Variants in CC2D2A observed in about 807,000 individuals in gnomAD.
The protein encoded by CC2D2A is coiled-coil and C2 domain-containing protein 2A.
Under a neutral mutation model 212.9 loss-of-function variants are expected in CC2D2A, and 155 were observed. The observed-to-expected ratio is 0.73, with a 90% CI of 0.64 to 0.83. The LOEUF (loss-of-function observed/expected upper bound fraction) is 0.83, where lower values mean the gene tolerates loss of function less well. CC2D2A is among the 40% of genes least tolerant of loss of function. The pLI is 0.00. For missense variants in CC2D2A, 1,856 were observed against 1,956.2 expected (o/e 0.95, Z 0.97); for synonymous variants, 667 against 686.5 (o/e 0.97, Z 0.44).
intron 17 of CC2D2A, among the ~76,000 whole-genome samples, chr4:15,542,403 C>T (rs927723266): frequency 6.6e-6 from 1 of 152,164 alleles, no homozygotes; most frequent in Non-Finnish European, 1.5e-5. Flanking sequence ...GCAGAAATCA[C>T]AGATCCTCAT....
At chr4:15,502,601 T>A in intron 5 of CC2D2A, 84 bp downstream of exon 5, 1 of 1,229,010 alleles carries the variant, frequency 8.1e-7, no homozygotes, top group Non-Finnish European at 1.2e-6. Flanking sequence ...TGCTCCAAAC[T>A]GCATGGATTT....
chr4:15,500,616 G>T (rs1715894296), intron 4 of CC2D2A, among the ~76,000 whole-genome samples: 1 of 152,160 alleles, frequency 6.6e-6, no homozygotes, highest in Non-Finnish European at 1.5e-5. Flanking sequence ...GTATTTTATA[G>T]CTTTCTATCA....
chr4:15,537,100 G>A, intron 15 of CC2D2A, 24 bp downstream of exon 15: 1 of 1,609,396 alleles, frequency 6.2e-7, no homozygotes, highest in East Asian at 2.2e-5. Flanking sequence ...CACTCAGCCT[G>A]GAATAGGGCT....
At chr4:15,523,412 C>A (rs1221241589) in intron 11 of CC2D2A, among the ~76,000 whole-genome samples, 1 of 152,188 alleles carries the variant, frequency 6.6e-6, no homozygotes, top group East Asian at 1.9e-4. Context: ...TGCATACCCA[C>A]TGGAGGACTG....
chr4:15,574,474 T>C, intron 29 of CC2D2A, 148 bp downstream of exon 29: 1 of 624,352 alleles, frequency 1.6e-6, no homozygotes, highest in South Asian at 3.3e-5. Flanking sequence ...TTAGATAGAA[T>C]GGTGGTGAGA....
chr4:15,510,007 G>C, intron 6 of CC2D2A, 132 bp from the exon 7 acceptor site: 1 of 687,394 alleles, frequency 1.5e-6, no homozygotes, highest in Non-Finnish European at 2.5e-6. Flanking sequence ...AGCATTCCAT[G>C]CCTTAGGAAT....
At chr4:15,580,305 T>C in intron 30 of CC2D2A, 134 bp downstream of exon 30, 1 of 725,602 alleles carries the variant, frequency 1.4e-6, no homozygotes, top group Non-Finnish European at 2.2e-6. Context: ...AAAGTAATGA[T>C]TAAAACATTT....
intron 11 of CC2D2A, among the ~76,000 whole-genome samples, chr4:15,522,362 T>C (rs1283875249): frequency 6.6e-6 from 1 of 152,196 alleles, no homozygotes; most frequent in African/African-American, 2.4e-5. Flanking sequence ...CGACCAACAC[T>C]GATCACCCGT....
intron 4 of CC2D2A, among the ~76,000 whole-genome samples, chr4:15,494,354 T>A (rs1715486799): frequency 1.3e-5 from 2 of 152,058 alleles, no homozygotes; most frequent in African/African-American, 2.4e-5. Flanking sequence ...TCAGCTAACA[T>A]AAAATGAAAA....
intron 4 of CC2D2A, among the ~76,000 whole-genome samples, chr4:15,501,394 T>C (rs1217584244): frequency 6.6e-6 from 1 of 152,130 alleles, no homozygotes; most frequent in Non-Finnish European, 1.5e-5. Flanking sequence ...CCAACCATCC[T>C]GTGGTACAGC....
intron 7 of CC2D2A, 24 bp from the exon 8 acceptor site, chr4:15,511,223 C>A (rs758082122): frequency 2.0e-5 from 31 of 1,575,126 alleles, no homozygotes; most frequent in African/African-American, 1.5e-4. Flanking sequence ...TGGGAAATTG[C>A]GATTGCTCCT....
chr4:15,521,724 A>G (rs1717213261), intron 11 of CC2D2A, among the ~76,000 whole-genome samples: 1 of 152,252 alleles, frequency 6.6e-6, no homozygotes, highest in Admixed American at 6.5e-5. Flanking sequence ...AAATACCTCA[A>G]TAAAAGCGCA....
intron 2 of CC2D2A, among the ~76,000 whole-genome samples, chr4:15,476,593 G>A (rs28539703): frequency 0.092 from 13,965 of 152,158 alleles, 2,106 homozygotes; most frequent in African/African-American, 0.32. Flanking sequence ...TGAATGCTCC[G>A]AAGCTGTTTT....
At chr4:15,526,899 C>T (rs1640150764) in intron 11 of CC2D2A, among the ~76,000 whole-genome samples, 1 of 152,196 alleles carries the variant, frequency 6.6e-6, no homozygotes, top group South Asian at 2.1e-4. Context: ...AGCTGCACAG[C>T]CCCCACTCTT....
Position 15,560,570 on chromosome 4 carries a change from C to A in CC2D2A, c.2962C>A (p.Gln988Lys). 6.5e-7 allele frequency: 1 copy of A among 1,530,050 alleles called. No individual in the cohort carries two copies. The highest frequency in any genetic ancestry group is 9.0e-7 in the Non-Finnish European group (1 of 1,114,588). 94.8% of individuals were successfully genotyped at this position (1,530,050 alleles called of 1,614,324 possible). A position where few individuals can be genotyped will look rare whatever the true frequency, so the allele number is the denominator to read the frequency against. The change falls in exon 23 of 37, where the codon CAA (glutamine) becomes AAA (lysine). Residue 988 changes from glutamine to lysine, a missense_variant. This residue lies in a region of CC2D2A where 1,512 missense variants were observed against 1,579.3 expected (regional missense o/e 0.96). Coordinates refer to ENST00000424120, the MANE Select transcript of CC2D2A (RefSeq NM_001378615.1). ...GATAAATCGTTTCTTAATTGCAAAA[C>A]AATATTTTCTTCTTGCTGATATGAT... ...SVINRFLIAK[Q>K]YFLLADMIVE...
chr4:15,557,438 G>C lies in CC2D2A; in HGVS notation c.2760G>C (p.Glu920Asp). The C allele has an allele frequency of 6.2e-7, 1 of 1,613,200 alleles. No individual in the cohort carries two copies. Among genetic ancestry groups the C allele is most frequent in the Non-Finnish European group, 8.5e-7 (1 of 1,179,586 alleles). ...RFRLLHLRSQ[E>D]VPEFRNYKQV... ...GGCTTCTTCATCTTAGAAGCCAAGA[G>C]GTGCCAGAATTCCGAAATTATAAGC... Residue 920 changes from glutamate (E) to aspartate (D), a missense_variant, in exon 21 of 37, where the codon GAG becomes GAC. Transcript: ENST00000424120.
At chr4:15,522,844 C>T (rs1479386339) in intron 11 of CC2D2A, among the ~76,000 whole-genome samples, 2 of 152,094 alleles carry the variant, frequency 1.3e-5, no homozygotes, top group African/African-American at 2.4e-5. Flanking sequence ...GCAGGCCCGG[C>T]GCAGTGGCTC....
At position 15,515,984 on chromosome 4, in the gene CC2D2A, A is replaced by G. The variant is rs1716848442; in HGVS notation, c.997A>G (p.Arg333Gly). The G allele has an allele frequency of 3.1e-6, 5 of 1,591,550 alleles. No individual in the cohort carries two copies. The highest frequency in any genetic ancestry group is 4.3e-6 in the Non-Finnish European group (5 of 1,168,686). The change falls in exon 10 of 37, where the codon AGA (arginine) becomes GGA (glycine). Residue 333 changes from arginine (R) to glycine (G), a missense_variant. Physicochemically the swap from Arg to Gly is moderately radical, Grantham distance 125. Around this residue, in one of 5 missense-constraint regions of CC2D2A, gnomAD observed 1,512 missense variants for 1,579.3 expected, o/e 0.96. Coordinates refer to ENST00000424120, the MANE Select transcript of CC2D2A (RefSeq NM_001378615.1). ...CACCAATCAGAACATCATGGAGAAC[A>G]GATTGCTGATGCAGGACCCCGTAAG... ...ARTNQNIMEN[R>G]LLMQDPERRW... is the part of the protein sequence containing the mutation.
At chr4:15,531,210 TC>T (rs1232611205) in intron 13 of CC2D2A, among the ~76,000 whole-genome samples, 3 of 152,150 alleles carry the variant, frequency 2.0e-5, no homozygotes, top group Non-Finnish European at 4.4e-5. Context: ...CTGAAGCAAA[TC>T]TTGCCACAGC....
Sources: allele counts gnomAD v4.1 joint callset (sites outside exome capture counted in the v4.1 genomes callset), GRCh38; gene constraint gnomAD v4.1.1; regional missense constraint gnomAD v4.1.1; transcripts MANE v1.5; gene names NCBI Gene and HGNC (gene_info 2026-07-23, HGNC 2026-07-21).